The following AMZ1 variants were observed in gnomAD, a reference collection of about 807,000 sequenced individuals.
AMZ1 encodes archaelysin family metallopeptidase 1.
Under a neutral mutation model 29.9 loss-of-function variants are expected in AMZ1, and 39 were observed. That is an observed-to-expected ratio of 1.30 (90% CI 1.01 to 1.70). The LOEUF is 1.70. AMZ1 is among the 40% of genes most tolerant of loss of function. The pLI, the probability that AMZ1 is intolerant of heterozygous loss-of-function variation, is 0.00. For missense variants in AMZ1, 1,041 were observed against 680.6 expected, an observed-to-expected ratio of 1.53 and a Z score of -5.89; for synonymous variants, 458 against 304.0, an observed-to-expected ratio of 1.51 and a Z score of -5.27.
At chr7:2,709,393 T>C (rs1277321972) in intron 5 of AMZ1, 149 bp downstream of exon 5, 6 of 1,058,982 alleles carry the variant, frequency 5.7e-6, no homozygotes, top group Non-Finnish European at 7.9e-6. Flanking sequence ...TACACAGCTA[T>C]GAAGCAGCAG....
At chr7:2,680,739 G>A (rs999859928) in intron 1 of AMZ1, among the ~76,000 whole-genome samples, 1 of 152,234 alleles carries the variant, frequency 6.6e-6, no homozygotes. Context: ...GGCCCCTCAC[G>A]TGCCTCACAG....
At chr7:2,730,212 T>C (rs1036440488) in intron 4 of AMZ1, 1 of 152,394 alleles carries the variant, frequency 6.6e-6, no homozygotes, top group Non-Finnish European at 1.5e-5. Flanking sequence ...AGAAGAGGAA[T>C]GTTTCTGAAA....
Position 2,718,578 on chromosome 7 carries a change from T to C in AMZ1, c.*5700T>C, listed in dbSNP as rs990672025. On this transcript the variant is annotated 3_prime_UTR_variant, in exon 7 of 7. Transcript: ENST00000683327. ...GAAGGTGATGAGCGCGGCTGACGGC[T>C]CCCGGGGGCAGTGTGGGGTCCAGTC... Among the ~76,000 whole-genome samples, 3 of 152,196 alleles carry C rather than the reference T, an allele frequency of 2.0e-5. No individual in the cohort carries two copies. The highest frequency in any genetic ancestry group is 4.4e-5 in the Non-Finnish European group (3 of 68,036).
In AMZ1 at chr7:2,731,985, G is replaced by C. The variant is rs925779800; in HGVS notation, n.550+22169G>C. On this transcript the variant is annotated intron_variant and non_coding_transcript_variant, in intron 4 of 4. Transcript: ENST00000489665. This position sits in a 1 kb window ranked among gnomAD's most constrained non-coding sequence, Gnocchi z 6.0. ...TCACCAGTCTGAGGACGAATGCTCA[G>C]AACACTCGTGGGCAGGCCCAGCGCA... Among the ~76,000 whole-genome samples the C allele has an allele frequency of 6.6e-6, 1 of 152,186 alleles. No homozygotes were observed. Among genetic ancestry groups the C allele is most frequent in the Non-Finnish European group, 1.5e-5 (1 of 68,028 alleles).
chr7:2,762,186 C>T (rs1360044227), upstream of AMZ1: 1 of 164,224 alleles, frequency 6.1e-6, no homozygotes, highest in East Asian at 1.7e-4. Context: ...GTGGAGGGGT[C>T]AACCCAGGCT....
intron 2 of AMZ1, among the ~76,000 whole-genome samples, chr7:2,701,312 G>A (rs1788039865): frequency 1.3e-5 from 2 of 152,214 alleles, no homozygotes; most frequent in African/African-American, 4.8e-5. Context: ...AGCAGGGAGA[G>A]GTCCCTTGAC....
upstream of AMZ1, chr7:2,763,119 CCT>C (rs1791647677): frequency 1.6e-6 from 2 of 1,234,734 alleles, no homozygotes; most frequent in Non-Finnish European, 2.0e-6. Context: ...AAGTCATCTT[CCT>C]CTCTCTTCTC....
rs924735450 is a variant in AMZ1, at chr7:2,731,020, G to C, written n.550+21204G>C. On this transcript the variant is annotated intron_variant and non_coding_transcript_variant, in intron 4 of 4. Transcript: ENST00000489665. The surrounding 1 kb of genome is among the most constrained non-coding windows in gnomAD (Gnocchi z 6.0). ...GACAGTTTCCATGTCCTTTTGCCTA[G>C]AGCTCGCTGGCTGGCTGGTCTGACA... 3 of 567,970 alleles carry C rather than the reference G, an allele frequency of 5.3e-6. No individual in the cohort carries two copies. Among genetic ancestry groups the C allele is most frequent in the African/African-American group, 3.7e-5 (2 of 53,590 alleles). The allele number at this position is 567,970 out of a possible 1,614,324, so 35.2% of individuals were successfully genotyped here.
At position 2,718,444 on chromosome 7, in the gene AMZ1, T is replaced by TCC. The variant is rs1373148223; in HGVS notation, c.*5567_*5568dup. On this transcript the variant is annotated 3_prime_UTR_variant, in exon 7 of 7. Coordinates refer to ENST00000683327, the MANE Select transcript of AMZ1 (RefSeq NM_001384743.1). The stretch of plus-strand genomic sequence containing the variant: ...GCTTTGTGAGTCTGTCTCGTGGGCC[T>TCC]CCTTCAGTGGTCTGTGACCAGCGGG... Among the ~76,000 whole-genome samples the TCC allele has an allele frequency of 6.6e-6, 1 of 152,226 alleles. No individual in the cohort carries two copies. The highest frequency in any genetic ancestry group is 1.9e-4 in the East Asian group (1 of 5,190).
At chr7:2,726,757 G>A (rs559459395) in intron 4 of AMZ1, among the ~76,000 whole-genome samples, 54 of 152,356 alleles carry the variant, frequency 3.5e-4, no homozygotes, top group African/African-American at 7.9e-4. Flanking sequence ...CCGTGATGCC[G>A]AAGAGCAAGT....
At chr7:2,724,195 G>A (rs1218612177), downstream of AMZ1, among the ~76,000 whole-genome samples, 3 of 152,092 alleles carry the variant, frequency 2.0e-5, no homozygotes, top group East Asian at 1.9e-4. Flanking sequence ...CTGGGATTAC[G>A]GGCATGAGCC....
intron 4 of AMZ1, among the ~76,000 whole-genome samples, chr7:2,726,742 A>G (rs1789636021): frequency 6.6e-6 from 1 of 152,336 alleles, no homozygotes; most frequent in South Asian, 2.1e-4. Context: ...AAGAAGAGAG[A>G]TGCCCCGTGA....
chr7:2,692,401 G>A (rs955400431), intron 1 of AMZ1, among the ~76,000 whole-genome samples: 4 of 152,200 alleles, frequency 2.6e-5, no homozygotes, highest in Non-Finnish European at 5.9e-5. Flanking sequence ...AATTAGCCGG[G>A]TGTGGTGGCG....
In AMZ1 at chr7:2,714,549, C is replaced by T. The variant is rs931895282; in HGVS notation, c.*1671C>T. ...TCAGAAAGTGACCAATGGAAGGTGC[C>T]GGCAGAGCACCCTGCAGTAACAGAA... On this transcript the variant is annotated 3_prime_UTR_variant, in exon 7 of 7. Coordinates refer to ENST00000683327, the MANE Select transcript of AMZ1 (RefSeq NM_001384743.1). 1.3e-5 allele frequency: 2 copies of T among 152,118 alleles called. No individual in the cohort carries two copies. Among genetic ancestry groups the T allele is most frequent in the Admixed American group, 6.6e-5 (1 of 15,256 alleles). 9.4% of individuals were successfully genotyped at this position (152,118 alleles called of 1,614,324 possible).
chr7:2,686,418 C>G (rs1323835188), upstream of AMZ1, among the ~76,000 whole-genome samples: 6 of 152,124 alleles, frequency 3.9e-5, no homozygotes, highest in Non-Finnish European at 8.8e-5. Context: ...CCTGTAGTCT[C>G]AGCTACTCAG....
chr7:2,712,821 C>T lies in AMZ1; in HGVS notation c.1440C>T (p.Ala480=). 1 of 1,536,862 alleles carries T rather than the reference C, an allele frequency of 6.5e-7. No individual in the cohort carries two copies. The change falls in exon 7 of 7, where the codon GCC becomes GCT. Residue 480 remains alanine, a synonymous_variant. Coordinates refer to ENST00000683327, the MANE Select transcript of AMZ1 (RefSeq NM_001384743.1). ...CCTCCCTGAGGAGGAAGCTGAGTGC[C>T]CGAAAACTCGCCAGAGCAGAGTCGG... ...KFSSLRRKLS[A]RKLARAESAP...
chr7:2,726,328 A>G (rs912790250), intron 4 of AMZ1, among the ~76,000 whole-genome samples: 2 of 152,238 alleles, frequency 1.3e-5, no homozygotes, highest in African/African-American at 4.8e-5. Flanking sequence ...ACCACATTAA[A>G]CATGGATGTC....
At chr7:2,682,350 G>A (rs545929957) in intron 1 of AMZ1, among the ~76,000 whole-genome samples, 11 of 152,322 alleles carry the variant, frequency 7.2e-5, no homozygotes, top group South Asian at 6.2e-4. Context: ...AGATGACACC[G>A]GGTGGGCCCC....
At chr7:2,684,977 C>G (rs915884805), upstream of AMZ1, among the ~76,000 whole-genome samples, 8 of 151,146 alleles carry the variant, frequency 5.3e-5, no homozygotes, top group East Asian at 1.6e-3. Context: ...TCACGCCATT[C>G]TCCTGCCTCA....
Sources: gnomAD v4.1 joint callset for allele counts (sites outside exome capture counted in the v4.1 genomes callset) on GRCh38, gnomAD v4.1.1 for gene constraint, Gnocchi (gnomAD v3.1) non-coding constraint, MANE v1.5 for transcripts, NCBI Gene and HGNC (gene_info 2026-07-23, HGNC 2026-07-21) for gene names.